The following ADK variants were observed in gnomAD, a reference collection of about 807,000 sequenced individuals.
ADK encodes adenosine kinase.
In ADK, 24 loss-of-function variants were observed where a neutral mutation model predicts 44.7. That is an observed-to-expected ratio of 0.54 (90% confidence interval 0.39 to 0.76). The LOEUF (loss-of-function observed/expected upper bound fraction) is 0.76, where lower values mean the gene tolerates loss of function less well. Among genes scored for constraint, ADK ranks in the 30% least tolerant of loss-of-function variants. The probability of loss-of-function intolerance (pLI) is 0.00; values close to 1 mark genes in which losing one functional copy is unlikely to be tolerated. For synonymous variants in ADK, 128 were observed against 142.6 expected (o/e 0.90, Z 0.73); for missense variants, 321 against 425.1 (o/e 0.76, Z 2.15).
intron 3 of ADK, among the ~76,000 whole-genome samples, chr10:74,249,496 T>TACACACAC (rs72380023): frequency 3.8e-4 from 57 of 149,162 alleles, no homozygotes; most frequent in African/African-American, 1.4e-3. Context: ...TGTACATGCA[T>TACACACAC]ACACACACAC....
chr10:74,484,499 G>A (rs1847195598), intron 6 of ADK, among the ~76,000 whole-genome samples: 1 of 151,998 alleles, frequency 6.6e-6, no homozygotes, highest in Non-Finnish European at 1.5e-5. Context: ...CTTATAAACT[G>A]AAATTTTTAA....
chr10:74,177,725 G>T (rs2132071477), intron 1 of ADK, among the ~76,000 whole-genome samples: 1 of 152,120 alleles, frequency 6.6e-6, no homozygotes, highest in Non-Finnish European at 1.5e-5. Context: ...GGAGGCCCCA[G>T]CACAAAAATG....
chr10:74,168,547 AAAAAG>A (rs1233211768), intron 1 of ADK, among the ~76,000 whole-genome samples: 32 of 150,102 alleles, frequency 2.1e-4, no homozygotes, highest in Middle Eastern at 3.4e-3. Flanking sequence ...AAAAAAAAAA[AAAAAG>A]AAAGAAAGAA....
At chr10:74,267,754 TTG>T (rs372502769) in intron 3 of ADK, among the ~76,000 whole-genome samples, 3,413 of 132,728 alleles carry the variant, frequency 0.026, 92 homozygotes, top group East Asian at 0.094. Flanking sequence ...ATATCCTTAT[TTG>T]TGTGTGTGTG....
chr10:74,700,045 C>T (rs76982635), intron 10 of ADK, among the ~76,000 whole-genome samples: 249 of 152,182 alleles, frequency 1.6e-3, no homozygotes, highest in African/African-American at 5.9e-3. Context: ...CCTGAAGATA[C>T]GCCCCTAATA....
intron 4 of ADK, among the ~76,000 whole-genome samples, chr10:74,367,490 A>T (rs1003769828): frequency 1.3e-5 from 2 of 152,244 alleles, no homozygotes; most frequent in African/African-American, 4.8e-5. Context: ...ACACTTAAAT[A>T]AAATGTTGAT....
chr10:74,340,443 A>T (rs1417444876), intron 4 of ADK, among the ~76,000 whole-genome samples: 2 of 152,194 alleles, frequency 1.3e-5, no homozygotes, highest in Admixed American at 6.5e-5. Flanking sequence ...CAGGTGATAT[A>T]TCTTGCTTCC....
In ADK at chr10:74,609,570, A is replaced by G. The variant is rs148027659; in HGVS notation, c.877+9077A>G. On this transcript the variant is annotated intron_variant, in intron 9 of 10. Coordinates refer to ENST00000539909, the MANE Select transcript of ADK (RefSeq NM_006721.4). ...CGCTCGCCCTTTGTGGGCTGCACCCACTGTCTAATCAGTCCCAATGAGATG... is the reference window on the plus strand; with the variant it reads ...CGCTCGCCCTTTGTGGGCTGCACCCGCTGTCTAATCAGTCCCAATGAGATG... 8.6e-3 allele frequency among the ~76,000 whole-genome samples: 1,304 copies of G among 152,040 alleles called. 20 individuals are homozygous for G. The highest frequency in any genetic ancestry group is 0.027 in the Middle Eastern group (8 of 292).
chr10:74,284,081 T>C (rs1564632562), intron 3 of ADK, among the ~76,000 whole-genome samples: 1 of 152,112 alleles, frequency 6.6e-6, no homozygotes, highest in African/African-American at 2.4e-5. Flanking sequence ...GCTTCAGCCT[T>C]CTGAGTAGTT....
At chr10:74,405,379 T>C (rs146922500) in intron 6 of ADK, among the ~76,000 whole-genome samples, 2,643 of 152,028 alleles carry the variant, frequency 0.017, 36 homozygotes, top group Non-Finnish European at 0.03. Context: ...TTTTTTTTTT[T>C]TTCAAATGTG....
intron 3 of ADK, among the ~76,000 whole-genome samples, chr10:74,224,974 T>G (rs1449516464): frequency 6.6e-6 from 1 of 152,274 alleles, no homozygotes; most frequent in African/African-American, 2.4e-5. Context: ...TGGGTCTTAC[T>G]CCGGTGGATC....
At chr10:74,503,890 T>C (rs1206154742) in intron 6 of ADK, among the ~76,000 whole-genome samples, 1 of 152,188 alleles carries the variant, frequency 6.6e-6, no homozygotes, top group Non-Finnish European at 1.5e-5. Flanking sequence ...TGCCATCATC[T>C]TGTCAGGGTC....
At position 74,287,325 on chromosome 10, in the gene ADK, G is replaced by T. The variant is rs1052228244; in HGVS notation, c.195-27342G>T. On this transcript the variant is annotated intron_variant, in intron 3 of 10. Coordinates refer to ENST00000539909, the MANE Select transcript of ADK (RefSeq NM_006721.4). ...TAAAAATACAAAAAATTAGTGGGGC[G>T]TGGTGGTGCACGCCTGTAATCCCAG... Among the ~76,000 whole-genome samples the T allele has an allele frequency of 6.6e-5, 10 of 152,062 alleles. No homozygotes were observed. The East Asian group carries it at 1.5e-3, about 24-fold the overall frequency.
intron 3 of ADK, among the ~76,000 whole-genome samples, chr10:74,290,074 A>ACGCG (rs200106704): frequency 3.9e-4 from 57 of 147,722 alleles, no homozygotes; most frequent in African/African-American, 1.1e-3. Flanking sequence ...TAAACTACTC[A>ACGCG]CGCGCACACA....
chr10:74,702,510 G>C (rs536907243), intron 10 of ADK, among the ~76,000 whole-genome samples: 23 of 100,362 alleles, frequency 2.3e-4, no homozygotes, highest in African/African-American at 8.2e-4. Context: ...TGCTCAGTCT[G>C]TCTTCCTTCC....
intron 10 of ADK, among the ~76,000 whole-genome samples, chr10:74,683,524 G>A (rs968543785): frequency 4.6e-5 from 7 of 152,116 alleles, no homozygotes; most frequent in Non-Finnish European, 1.0e-4. Flanking sequence ...AACACCACAG[G>A]TATTCCAGAT....
chr10:74,363,765 C>T (rs1842415832), intron 4 of ADK, among the ~76,000 whole-genome samples: 1 of 152,134 alleles, frequency 6.6e-6, no homozygotes, highest in South Asian at 2.1e-4. Context: ...GATCTCTGCA[C>T]AGAATTATTT....
chr10:74,547,436 ATATATATATATT>A (rs1462141111), intron 7 of ADK, among the ~76,000 whole-genome samples: 4 of 64,970 alleles, frequency 6.2e-5, no homozygotes, highest in African/African-American at 2.1e-4. Flanking sequence ...CACTTTATAT[ATATATATATATT>A]TATTTATTTA....
intron 3 of ADK, among the ~76,000 whole-genome samples, chr10:74,273,837 G>C (rs914059130): frequency 4.6e-5 from 7 of 152,284 alleles, no homozygotes; most frequent in African/African-American, 1.7e-4. Flanking sequence ...CATTTTCAGA[G>C]AATCCAGCTT....
Sources: allele counts gnomAD v4.1 joint callset (sites outside exome capture counted in the v4.1 genomes callset), GRCh38; gene constraint gnomAD v4.1.1; transcripts MANE v1.5; gene names NCBI Gene and HGNC (gene_info 2026-07-23, HGNC 2026-07-21).